Variants in LUZP2 observed in about 807,000 individuals in gnomAD.
LUZP2 encodes leucine zipper protein 2.
A neutral mutation model predicts 51.6 loss-of-function variants in LUZP2; 52 were observed. The observed-to-expected ratio is 1.01, with a 90% confidence interval of 0.81 to 1.27. LUZP2 has a LOEUF of 1.27. LUZP2 is among the 50% of genes most tolerant of loss of function. The pLI is 0.00. For missense variants in LUZP2, 436 were observed against 395.4 expected (o/e 1.10, Z -0.87); for synonymous variants, 154 against 137.3 (o/e 1.12, Z -0.85).
At chr11:24,803,992 A>G (rs1238536420) in intron 5 of LUZP2, among the ~76,000 whole-genome samples, 1 of 140,140 alleles carries the variant, frequency 7.1e-6, no homozygotes, top group Non-Finnish European at 1.5e-5. Flanking sequence ...CAAGTGCCAT[A>G]AAGGAAAAAA....
chr11:24,930,515 G>A (rs969240634), intron 7 of LUZP2, among the ~76,000 whole-genome samples: 2 of 152,112 alleles, frequency 1.3e-5, no homozygotes, highest in Non-Finnish European at 2.9e-5. Flanking sequence ...TTCTTGGCTG[G>A]TAATTGTTTT....
intron 5 of LUZP2, among the ~76,000 whole-genome samples, chr11:24,777,759 A>T (rs1182912047): frequency 1.3e-5 from 2 of 152,232 alleles, no homozygotes; most frequent in South Asian, 4.2e-4. Context: ...ATTATAGTAC[A>T]TAATTCATTG....
At chr11:24,807,930 GA>G (rs1564920008) in intron 5 of LUZP2, among the ~76,000 whole-genome samples, 1 of 152,070 alleles carries the variant, frequency 6.6e-6, no homozygotes, top group African/African-American at 2.4e-5. Flanking sequence ...AAGATCAGAA[GA>G]AAATTAAAAG....
At chr11:24,733,737 T>TG (rs1858815248) in intron 3 of LUZP2, among the ~76,000 whole-genome samples, 2 of 146,214 alleles carry the variant, frequency 1.4e-5, no homozygotes, top group Admixed American at 1.4e-4. Flanking sequence ...ATAAACTGTA[T>TG]TTTTTAAAAA....
chr11:24,951,792 G>A (rs1038663397), intron 7 of LUZP2, among the ~76,000 whole-genome samples: 2 of 151,560 alleles, frequency 1.3e-5, no homozygotes, highest in African/African-American at 4.8e-5. Flanking sequence ...ATAAAAGTAT[G>A]TCAAAGTTGA....
intron 1 of LUZP2, among the ~76,000 whole-genome samples, chr11:24,724,218 G>A (rs770852348): frequency 6.6e-6 from 1 of 152,136 alleles, no homozygotes; most frequent in African/African-American, 2.4e-5. Context: ...AAGAAAGATA[G>A]TATCACTTGA....
intron 1 of LUZP2, among the ~76,000 whole-genome samples, chr11:24,535,918 A>G (rs1165938955): frequency 6.6e-6 from 1 of 151,674 alleles, no homozygotes; most frequent in East Asian, 1.9e-4. Flanking sequence ...TTTTTAAATA[A>G]TAAGACTCAA....
chr11:24,981,445 G>A (rs191626206), intron 8 of LUZP2, among the ~76,000 whole-genome samples: 3 of 151,766 alleles, frequency 2.0e-5, no homozygotes, highest in Non-Finnish European at 4.4e-5. Context: ...GGTTTTGGGG[G>A]TTTTGGCTGG....
intron 5 of LUZP2, among the ~76,000 whole-genome samples, chr11:24,844,826 G>T (rs534829906): frequency 2.0e-5 from 3 of 152,218 alleles, no homozygotes; most frequent in Admixed American, 6.5e-5. Context: ...CTTCCATGTG[G>T]TGTTGAACCT....
chr11:25,019,626 A>G (rs533729379), intron 9 of LUZP2, among the ~76,000 whole-genome samples: 24 of 152,268 alleles, frequency 1.6e-4, no homozygotes, highest in African/African-American at 5.8e-4. Flanking sequence ...TTTCTTCCTC[A>G]TTGATCCGTT....
chr11:25,002,549 G>A (rs766561546), intron 9 of LUZP2, among the ~76,000 whole-genome samples: 1 of 152,150 alleles, frequency 6.6e-6, no homozygotes, highest in African/African-American at 2.4e-5. Flanking sequence ...ATCACGAGTA[G>A]TCCAGACAGT....
At chr11:24,890,844 T>A (rs1244307205) in intron 5 of LUZP2, 1 of 883,870 alleles carries the variant, frequency 1.1e-6, no homozygotes. Context: ...AAATCACATA[T>A]AGAAAAAATA....
chr11:24,603,378 C>T (rs1282200774), intron 1 of LUZP2, among the ~76,000 whole-genome samples: 1 of 151,794 alleles, frequency 6.6e-6, no homozygotes, highest in East Asian at 1.9e-4. Context: ...TCATTAACTT[C>T]CAGGTCAAAG....
At chr11:24,767,014 C>A (rs1286420358) in intron 5 of LUZP2, among the ~76,000 whole-genome samples, 2 of 152,298 alleles carry the variant, frequency 1.3e-5, no homozygotes, top group African/African-American at 2.4e-5. Context: ...TCCACCCACA[C>A]CCACATCAGC....
chr11:25,077,780 G>C, intron 11 of LUZP2, among the ~76,000 whole-genome samples: 1 of 152,220 alleles, frequency 6.6e-6, no homozygotes, highest in South Asian at 2.1e-4. Flanking sequence ...ACAGGCGTGA[G>C]CCACCGCGCC....
At chr11:25,075,261 G>A (rs548516847) in intron 10 of LUZP2, among the ~76,000 whole-genome samples, 3 of 152,194 alleles carry the variant, frequency 2.0e-5, no homozygotes, top group Admixed American at 6.5e-5. Context: ...TTAGAATTAG[G>A]TGGTTAAGAA....
chr11:24,685,375 A>C (rs1200746029), intron 1 of LUZP2, among the ~76,000 whole-genome samples: 3 of 152,056 alleles, frequency 2.0e-5, no homozygotes, highest in Non-Finnish European at 4.4e-5. Context: ...ATGATCTTGC[A>C]CCTGCCTAAT....
At chr11:24,599,951 CTCT>C (rs753014305) in intron 1 of LUZP2, among the ~76,000 whole-genome samples, 25 of 152,006 alleles carry the variant, frequency 1.6e-4, no homozygotes, top group Admixed American at 2.6e-4. Context: ...CATTTCAGTG[CTCT>C]TCTTTGTTTT....
At chr11:25,038,326 A>G (rs1453886289) in intron 9 of LUZP2, among the ~76,000 whole-genome samples, 1 of 152,168 alleles carries the variant, frequency 6.6e-6, no homozygotes, top group East Asian at 1.9e-4. Flanking sequence ...GTATTATGAA[A>G]TTCCTGTACC....
Sources: gnomAD v4.1 joint callset for allele counts (sites outside exome capture counted in the v4.1 genomes callset) on GRCh38, gnomAD v4.1.1 for gene constraint, MANE v1.5 for transcripts, NCBI Gene and HGNC (gene_info 2026-07-23, HGNC 2026-07-21) for gene names.